GRM8: variants seen among roughly 807,000 people sequenced by gnomAD.
GRM8 encodes glutamate metabotropic receptor 8, also known as metabotropic glutamate receptor 8.
A neutral mutation model predicts 87.2 loss-of-function variants in GRM8; 47 were observed. That is an observed-to-expected ratio of 0.54 (90% confidence interval 0.43 to 0.69). GRM8 has a LOEUF of 0.69. Among genes scored for constraint, GRM8 ranks in the 30% least tolerant of loss-of-function variants. GRM8 has a pLI of 0.00. For synonymous variants in GRM8, 396 were observed against 404.5 expected (o/e 0.98, Z 0.25); for missense variants, 1,019 against 1,139.2 (o/e 0.89, Z 1.52).
At chr7:126,701,934 A>G (rs1293964548) in intron 7 of GRM8, 6 of 386,228 alleles carry the variant, frequency 1.6e-5, no homozygotes, top group Non-Finnish European at 3.1e-5. Context: ...TAGTATAATT[A>G]TTAATCATGC....
At chr7:126,740,607 C>A (rs1172358185) in intron 7 of GRM8, among the ~76,000 whole-genome samples, 1 of 152,136 alleles carries the variant, frequency 6.6e-6, no homozygotes, top group Non-Finnish European at 1.5e-5. Flanking sequence ...CCTTCCCTGA[C>A]CTTGAACAAA....
chr7:127,080,777 C>T (rs1374989385), intron 3 of GRM8: 1 of 152,180 alleles, frequency 6.6e-6, no homozygotes, highest in Non-Finnish European at 1.5e-5. Flanking sequence ...AGAAAGACCA[C>T]ATGCTAAGGG....
chr7:126,863,260 T>C (rs1298115088), intron 6 of GRM8, among the ~76,000 whole-genome samples: 1 of 152,172 alleles, frequency 6.6e-6, no homozygotes, highest in African/African-American at 2.4e-5. Context: ...ATGGGGAAGT[T>C]GGGGCTATTT....
chr7:127,080,205 C>G (rs189575278), intron 3 of GRM8, among the ~76,000 whole-genome samples: 3 of 152,246 alleles, frequency 2.0e-5, no homozygotes, highest in East Asian at 3.9e-4. Flanking sequence ...AAAAAAAAGA[C>G]TCGCTTGATC....
At chr7:127,074,592 T>C (rs1307229164) in intron 3 of GRM8, among the ~76,000 whole-genome samples, 2 of 152,148 alleles carry the variant, frequency 1.3e-5, no homozygotes, top group Non-Finnish European at 2.9e-5. Flanking sequence ...AATGAGAAGA[T>C]GATTTTCAGA....
intron 3 of GRM8, among the ~76,000 whole-genome samples, chr7:127,002,775 G>A (rs1813860706): frequency 1.3e-5 from 2 of 151,728 alleles, no homozygotes; most frequent in Non-Finnish European, 3.0e-5. Flanking sequence ...GCATAACCAA[G>A]TGATGGTGTA....
chr7:127,043,762 A>C (rs17861391), intron 3 of GRM8, among the ~76,000 whole-genome samples: 2 of 152,158 alleles, frequency 1.3e-5, no homozygotes, highest in African/African-American at 4.8e-5. Context: ...CTTAAAGTAT[A>C]ATAAAAAAAA....
intron 8 of GRM8, among the ~76,000 whole-genome samples, chr7:126,569,229 C>A (rs1216866940): frequency 6.6e-6 from 1 of 152,094 alleles, no homozygotes; most frequent in African/African-American, 2.4e-5. Flanking sequence ...GTTTCTTACT[C>A]TAGTTTTGTT....
chr7:126,966,027 G>A (rs1180141320), intron 3 of GRM8, among the ~76,000 whole-genome samples: 7 of 151,992 alleles, frequency 4.6e-5, no homozygotes, highest in Non-Finnish European at 1.0e-4. Context: ...TATAAAAACA[G>A]AAGAAATAGC....
chr7:126,950,078 G>A (rs905080330), intron 3 of GRM8, among the ~76,000 whole-genome samples: 10 of 152,226 alleles, frequency 6.6e-5, no homozygotes, highest in Admixed American at 2.6e-4. Context: ...TAACTCTATC[G>A]TTTCTAGGTA....
chr7:127,174,819 T>C (rs1455614747), intron 2 of GRM8, among the ~76,000 whole-genome samples: 1 of 152,220 alleles, frequency 6.6e-6, no homozygotes, highest in Non-Finnish European at 1.5e-5. Context: ...GTAATCACAG[T>C]TCTAAGCTGG....
At chr7:126,722,595 A>G (rs114301634) in intron 7 of GRM8, among the ~76,000 whole-genome samples, 54 of 151,960 alleles carry the variant, frequency 3.6e-4, no homozygotes, top group African/African-American at 7.7e-4. Flanking sequence ...TAATTTTCCA[A>G]CTCTCTGCTA....
chr7:126,832,849 A>G (rs191163551), intron 6 of GRM8, among the ~76,000 whole-genome samples: 4 of 152,228 alleles, frequency 2.6e-5, no homozygotes, highest in Admixed American at 2.0e-4. Flanking sequence ...CATATGTTGA[A>G]TAGCTGTATT....
At chr7:126,528,032 C>T (rs557163554) in intron 9 of GRM8, among the ~76,000 whole-genome samples, 25 of 152,216 alleles carry the variant, frequency 1.6e-4, no homozygotes, top group Admixed American at 9.2e-4. Flanking sequence ...GGTGAAACCC[C>T]GTCTCTATTA....
chr7:126,898,494 C>A (rs1801759700), intron 6 of GRM8, among the ~76,000 whole-genome samples: 1 of 152,180 alleles, frequency 6.6e-6, no homozygotes, highest in Non-Finnish European at 1.5e-5. Flanking sequence ...GCATGAAAAT[C>A]TGTTTACTGA....
At chr7:127,045,407 T>C (rs1818830718) in intron 3 of GRM8, among the ~76,000 whole-genome samples, 1 of 152,070 alleles carries the variant, frequency 6.6e-6, no homozygotes, top group Admixed American at 6.5e-5. Context: ...TTGTTTTCGG[T>C]CTTCAGTCAT....
intron 3 of GRM8, among the ~76,000 whole-genome samples, chr7:127,097,788 T>C (rs1824817869): frequency 6.6e-6 from 1 of 152,204 alleles, no homozygotes; most frequent in South Asian, 2.1e-4. Flanking sequence ...AAAAGAGGGA[T>C]TTAAAGAAGT....
At position 126,941,089 on chromosome 7, in the gene GRM8, C is replaced by G. The variant is rs536695131; in HGVS notation, c.728-36406G>C. On this transcript the variant is annotated intron_variant, in intron 3 of 10. Coordinates refer to ENST00000339582, the MANE Select transcript of GRM8 (RefSeq NM_000845.3). ...TTGAAATTCTACCTATCTGCCCACA[C>G]TGACTCATTAGTCATGAGCATTTGT... is the stretch of plus-strand genomic sequence containing the variant. Among the ~76,000 whole-genome samples, 11 of 152,308 alleles carry G rather than the reference C, an allele frequency of 7.2e-5. No individual in the cohort carries two copies. In the East Asian group the frequency reaches 1.5e-3, roughly 21 times the overall value.
At chr7:126,567,118 A>T (rs1440033265) in intron 8 of GRM8, among the ~76,000 whole-genome samples, 1 of 152,148 alleles carries the variant, frequency 6.6e-6, no homozygotes, top group East Asian at 1.9e-4. Flanking sequence ...ACTCATCAAC[A>T]TTTTAAAGTT....
Sources: allele counts gnomAD v4.1 joint callset (sites outside exome capture counted in the v4.1 genomes callset), GRCh38; gene constraint gnomAD v4.1.1; transcripts MANE v1.5; gene names NCBI Gene and HGNC (gene_info 2026-07-23, HGNC 2026-07-21).